SPATA7: variants seen among roughly 807,000 people sequenced by gnomAD.
The protein encoded by SPATA7 is spermatogenesis associated 7, also known as spermatogenesis-associated protein 7.
In SPATA7, 43 loss-of-function variants were observed where a neutral mutation model predicts 51.8. The ratio of observed to expected loss-of-function variants is 0.83; its 90% confidence interval spans 0.65 to 1.07. The LOEUF (loss-of-function observed/expected upper bound fraction) is 1.07, where lower values mean the gene tolerates loss of function less well. SPATA7 is among the 50% of genes least tolerant of loss of function. The probability of loss-of-function intolerance (pLI) is 0.00; values close to 1 mark genes in which losing one functional copy is unlikely to be tolerated. For missense variants in SPATA7, 683 were observed against 701.3 expected (o/e 0.97, Z 0.30); for synonymous variants, 230 against 252.8 (o/e 0.91, Z 0.86).
In SPATA7 at chr14:88,450,395, T is replaced by C. The variant is rs574713619; in HGVS notation, c.178-4665T>C. 4.6e-5 allele frequency among the ~76,000 whole-genome samples: 7 copies of C among 152,268 alleles called. 1 individual carries two copies. The highest frequency in any genetic ancestry group is 3.9e-4 in the Admixed American group (6 of 15,294). ...TTCATTGTGTTAAAATGAAAAATTATAGGTCCTGTGAGATTTATGCTTTAA... is the reference window on the plus strand; with the variant it reads ...TTCATTGTGTTAAAATGAAAAATTACAGGTCCTGTGAGATTTATGCTTTAA... On this transcript the variant is annotated intron_variant, in intron 3 of 3. Coordinates refer to the SPATA7 transcript ENST00000554802.
chr14:88,422,260 A>G (rs2076667150), intron 5 of SPATA7, among the ~76,000 whole-genome samples: 1 of 152,192 alleles, frequency 6.6e-6, no homozygotes, highest in South Asian at 2.1e-4. Context: ...CTTGGGAGTC[A>G]TCAGGGGAAG....
rs753250204 is a variant in SPATA7, at chr14:88,426,493, C to T, written c.634C>T (p.Arg212Trp). 8.7e-6 allele frequency: 14 copies of T among 1,614,062 alleles called. No homozygotes were observed. The highest frequency in any genetic ancestry group is 3.3e-5 in the South Asian group (3 of 91,088). Residue 212 changes from arginine (R) to tryptophan (W), a missense_variant, in exon 6 of 12, where the codon CGG becomes TGG. Coordinates refer to ENST00000393545, the MANE Select transcript of SPATA7 (RefSeq NM_018418.5). ...CAGAAGCACATTCCCAAATTCCCAC[C>T]GGTTTCAGTTAGTCATTTCGAAAGC... is the stretch of plus-strand genomic sequence containing the variant. Reference protein sequence around the residue: ...RPRSTFPNSHRFQLVISKAPS... With the variant: ...RPRSTFPNSHWFQLVISKAPS...
chr14:88,421,427 A>G (rs925097054), intron 5 of SPATA7, among the ~76,000 whole-genome samples: 20 of 152,160 alleles, frequency 1.3e-4, no homozygotes, highest in South Asian at 2.1e-4. Flanking sequence ...CTGCTTACCA[A>G]ATACCAAGGC....
At chr14:88,445,432 C>A (rs1171828984) in intron 3 of SPATA7, among the ~76,000 whole-genome samples, 1 of 152,182 alleles carries the variant, frequency 6.6e-6, no homozygotes, top group Non-Finnish European at 1.5e-5. Context: ...CATCTGCAAA[C>A]AGGGACAGTT....
intron 4 of SPATA7, among the ~76,000 whole-genome samples, chr14:88,407,441 C>T (rs1056120473): frequency 1.1e-4 from 17 of 152,240 alleles, no homozygotes; most frequent in Admixed American, 2.6e-4. Flanking sequence ...TCATATCCTT[C>T]GCCCACTTTT....
In SPATA7 at chr14:88,437,916, G is replaced by A. The variant is rs1267373202; in HGVS notation, c.1294G>A (p.Asp432Asn). ...TSEENSVKQN[D>N]VDMLNVFDFE... Reference sequence around the variant, plus strand: ...GGAGGAAAACTCGGTAAAGCAAAATGATGTTGATATGTTGAATGTATTTGA... The same window carrying A: ...GGAGGAAAACTCGGTAAAGCAAAATAATGTTGATATGTTGAATGTATTTGA... The change falls in exon 12 of 12, where the codon GAT becomes AAT. Residue 432 changes from aspartate to asparagine, a missense_variant. By Grantham distance (23) the Asp-to-Asn change is conservative. Transcript: ENST00000393545. 1.2e-6 allele frequency: 2 copies of A among 1,612,356 alleles called. No homozygotes were observed. The highest frequency in any genetic ancestry group is 2.2e-5 in the South Asian group (2 of 90,736).
chr14:88,441,058 A>C (rs1267387346), downstream of SPATA7, among the ~76,000 whole-genome samples: 1 of 152,108 alleles, frequency 6.6e-6, no homozygotes, highest in Non-Finnish European at 1.5e-5. Flanking sequence ...GCTCCCACTT[A>C]TGAGTGAGAA....
At chr14:88,388,189 A>G (rs975114751) in intron 1 of SPATA7, among the ~76,000 whole-genome samples, 4 of 152,138 alleles carry the variant, frequency 2.6e-5, no homozygotes, top group Non-Finnish European at 5.9e-5. Flanking sequence ...GCAACAGAGC[A>G]AGACTCCATC....
intron 4 of SPATA7, among the ~76,000 whole-genome samples, chr14:88,413,816 G>A (rs1342302301): frequency 6.6e-6 from 1 of 151,896 alleles, no homozygotes; most frequent in Admixed American, 6.6e-5. Flanking sequence ...TGATCATAAG[G>A]TTTTTGTTTT....
intron 1 of SPATA7, among the ~76,000 whole-genome samples, chr14:88,390,593 T>C (rs185320490): frequency 6.6e-6 from 1 of 152,252 alleles, no homozygotes; most frequent in Admixed American, 6.5e-5. Flanking sequence ...CTGTCCACAT[T>C]TGGGTTTTAT....
intron 10 of SPATA7, 140 bp from the exon 11 acceptor site, chr14:88,437,403 A>G: frequency 1.6e-6 from 1 of 634,970 alleles, no homozygotes; most frequent in Non-Finnish European, 2.8e-6. Flanking sequence ...ACAGGAAAGG[A>G]TTAGTCTTCA....
At chr14:88,417,977 A>ATT (rs1335824929) in intron 5 of SPATA7, among the ~76,000 whole-genome samples, 1 of 152,180 alleles carries the variant, frequency 6.6e-6, no homozygotes, top group African/African-American at 2.4e-5. Context: ...TACTGATTCA[A>ATT]TTTTTTAAGT....
chr14:88,398,202 C>T (rs1183692558), intron 4 of SPATA7, among the ~76,000 whole-genome samples: 1 of 151,794 alleles, frequency 6.6e-6, no homozygotes, highest in African/African-American at 2.4e-5. Context: ...CAGCACTATT[C>T]ACAATAGCAA....
At chr14:88,428,071 T>TC (rs1424734468) in intron 7 of SPATA7, 1 of 158,718 alleles carries the variant, frequency 6.3e-6, no homozygotes, top group African/African-American at 2.4e-5. Context: ...TTTTTTTTTG[T>TC]AAAGAATTGC....
chr14:88,404,585 C>T (rs1000167783), intron 4 of SPATA7, among the ~76,000 whole-genome samples: 4 of 152,032 alleles, frequency 2.6e-5, no homozygotes, highest in African/African-American at 9.7e-5. Context: ...GGTGTGGTGG[C>T]ATGCACCTGT....
At chr14:88,447,327 C>G (rs1356662329) in intron 3 of SPATA7, among the ~76,000 whole-genome samples, 1 of 148,134 alleles carries the variant, frequency 6.8e-6, no homozygotes, top group African/African-American at 2.5e-5. Flanking sequence ...TTTTGTTTTC[C>G]ATTTGCTTGG....
At position 88,394,070 on chromosome 14, in the gene SPATA7, T is replaced by C. The variant is rs182863145; in HGVS notation, c.190+582T>C. 9.3e-4 allele frequency among the ~76,000 whole-genome samples: 142 copies of C among 152,182 alleles called. 1 individual carries two copies. Among genetic ancestry groups the C allele is most frequent in the African/African-American group, 3.2e-3 (133 of 41,546 alleles). On this transcript the variant is annotated intron_variant, in intron 3 of 11. Transcript: ENST00000393545. ...ATATTTTTAAATGGTAGCAAAAAAT[T>C]TAAAAAAAAGTATTTTGTGACCTGA...
intron 4 of SPATA7, among the ~76,000 whole-genome samples, chr14:88,464,858 A>G (rs1211411699): frequency 6.6e-6 from 1 of 152,204 alleles, no homozygotes; most frequent in Non-Finnish European, 1.5e-5. Context: ...ACATAGTTGT[A>G]TATTTAAATT....
At chr14:88,421,464 C>T (rs1418130153) in intron 5 of SPATA7, among the ~76,000 whole-genome samples, 1 of 151,948 alleles carries the variant, frequency 6.6e-6, no homozygotes, top group African/African-American at 2.4e-5. Flanking sequence ...GATTTTTTTC[C>T]TTGAGAAATG....
Sources: gnomAD v4.1 joint callset for allele counts (sites outside exome capture counted in the v4.1 genomes callset) on GRCh38, gnomAD v4.1.1 for gene constraint, MANE v1.5 for transcripts, NCBI Gene and HGNC (gene_info 2026-07-23, HGNC 2026-07-21) for gene names.